The following SBF2 variants were observed in gnomAD, a reference collection of about 807,000 sequenced individuals.
The protein encoded by SBF2 is myotubularin-related protein 13.
Under a neutral mutation model 225.2 loss-of-function variants are expected in SBF2, and 112 were observed. The observed-to-expected ratio is 0.50, with a 90% confidence interval of 0.43 to 0.58. The LOEUF (loss-of-function observed/expected upper bound fraction) is 0.58, where lower values mean the gene tolerates loss of function less well. Ranked by LOEUF, SBF2 falls within the 20% of genes least tolerant of loss-of-function variation. The pLI is 0.00. For missense variants in SBF2, 1,996 were observed against 2,206.2 expected, an observed-to-expected ratio of 0.90 and a Z score of 1.91; for synonymous variants, 763 against 773.3, an observed-to-expected ratio of 0.99 and a Z score of 0.22.
intron 15 of SBF2, among the ~76,000 whole-genome samples, chr11:9,962,472 A>T (rs1866638112): frequency 6.6e-6 from 1 of 152,218 alleles, no homozygotes; most frequent in East Asian, 1.9e-4. Context: ...TTTCCATGGC[A>T]AGAACAGAAA....
At chr11:10,180,403 C>G (rs1017108922) in intron 2 of SBF2, among the ~76,000 whole-genome samples, 3 of 152,132 alleles carry the variant, frequency 2.0e-5, no homozygotes, top group African/African-American at 7.2e-5. Context: ...GCCACTCTCT[C>G]TGGCCTGTCA....
At chr11:10,224,335 A>G (rs1440822381) in intron 1 of SBF2, among the ~76,000 whole-genome samples, 1 of 152,114 alleles carries the variant, frequency 6.6e-6, no homozygotes, top group African/African-American at 2.4e-5. Context: ...TTGCTTTTAC[A>G]CTAGATCCAG....
At chr11:10,005,527 T>C (rs1266044985) in intron 6 of SBF2, among the ~76,000 whole-genome samples, 1 of 152,190 alleles carries the variant, frequency 6.6e-6, no homozygotes, top group Non-Finnish European at 1.5e-5. Flanking sequence ...CCTGCTCTAA[T>C]ACTTTAAAAT....
At chr11:10,295,806 T>C (rs1433054117), upstream of SBF2, among the ~76,000 whole-genome samples, 1 of 151,804 alleles carries the variant, frequency 6.6e-6, no homozygotes, top group Non-Finnish European at 1.5e-5. Context: ...TCCGGAACTA[T>C]CCAGAAAAAA....
At chr11:10,197,485 T>C (rs1474781244) in intron 1 of SBF2, among the ~76,000 whole-genome samples, 10 of 152,226 alleles carry the variant, frequency 6.6e-5, no homozygotes, top group Admixed American at 6.5e-4. Context: ...TGCTAAAAAA[T>C]GCTATCAATC....
chr11:9,853,556 A>G lies in SBF2; in HGVS notation c.2520T>C (p.Leu840=), dbSNP rs1203332756. 1 of 1,613,966 alleles carries G rather than the reference A, an allele frequency of 6.2e-7. No individual in the cohort carries two copies. Among genetic ancestry groups the G allele is most frequent in the South Asian group, 1.1e-5 (1 of 91,076 alleles). Residue 840 remains leucine, a synonymous_variant, in exon 20 of 40, where the codon CTT becomes CTC. Coordinates refer to ENST00000256190, the MANE Select transcript of SBF2 (RefSeq NM_030962.4). ...AGTGATTACCTGGTATCATGCAATG[A>G]AGGCTCTTGATGTGATCCTGAGTAA... ...SGVTQDHIKS[L]HCMIPGIVAM...
intron 1 of SBF2, among the ~76,000 whole-genome samples, chr11:10,194,869 T>C (rs1374727370): frequency 7.2e-6 from 1 of 139,774 alleles, no homozygotes; most frequent in Non-Finnish European, 1.6e-5. Context: ...GCCAGAGGCA[T>C]TGAAATCTAG....
At chr11:10,069,436 T>C (rs1320216264) in intron 2 of SBF2, among the ~76,000 whole-genome samples, 1 of 152,016 alleles carries the variant, frequency 6.6e-6, no homozygotes, top group East Asian at 1.9e-4. Flanking sequence ...TGTTACAGTT[T>C]GCTAAGAACG....
intron 1 of SBF2, among the ~76,000 whole-genome samples, chr11:10,234,445 CCATAT>C (rs1474630580): frequency 1.3e-5 from 2 of 152,028 alleles, no homozygotes; most frequent in Non-Finnish European, 2.9e-5. Flanking sequence ...TGTTTTATAA[CCATAT>C]CAATTTTTTT....
intron 2 of SBF2, among the ~76,000 whole-genome samples, chr11:10,137,850 T>C (rs1954456396): frequency 2.0e-5 from 3 of 151,862 alleles, no homozygotes; most frequent in Non-Finnish European, 4.4e-5. Context: ...CTACTAAAAA[T>C]ATAAAAATTA....
chr11:10,191,367 T>C (rs1284550928), intron 2 of SBF2, among the ~76,000 whole-genome samples: 2 of 152,158 alleles, frequency 1.3e-5, no homozygotes, highest in Non-Finnish European at 2.9e-5. Context: ...TCTCTAAAGA[T>C]ATGCAAAAAT....
At chr11:9,919,561 C>T (rs4910080) in intron 16 of SBF2, among the ~76,000 whole-genome samples, 29,988 of 151,776 alleles carry the variant, frequency 0.2, 3,811 homozygotes, top group Non-Finnish European at 0.29. Flanking sequence ...CTGCATGCAC[C>T]GGTAATTAGG....
intron 17 of SBF2, among the ~76,000 whole-genome samples, chr11:9,873,614 G>C (rs1858969156): frequency 1.3e-5 from 2 of 152,190 alleles, no homozygotes; most frequent in African/African-American, 4.8e-5. Context: ...GAGGAACAGT[G>C]AGCAGTTTTA....
intron 6 of SBF2, among the ~76,000 whole-genome samples, chr11:10,009,475 G>A (rs1948348057): frequency 6.7e-6 from 1 of 149,526 alleles, no homozygotes; most frequent in Admixed American, 6.7e-5. Flanking sequence ...TGTTCTCATT[G>A]TTCAACTCCC....
chr11:9,984,650 G>A (rs1042993094), intron 13 of SBF2, among the ~76,000 whole-genome samples: 2 of 152,110 alleles, frequency 1.3e-5, no homozygotes, highest in African/African-American at 4.8e-5. Flanking sequence ...AAGTTAAGAC[G>A]AAGGAAAGAA....
chr11:10,126,452 G>A (rs929835857), intron 2 of SBF2, among the ~76,000 whole-genome samples: 1 of 152,116 alleles, frequency 6.6e-6, no homozygotes, highest in Non-Finnish European at 1.5e-5. Flanking sequence ...AAGAAGGAAA[G>A]AGGAAGGCAA....
intron 38 of SBF2, chr11:9,783,133 T>G (rs1255202764): frequency 6.6e-6 from 1 of 152,232 alleles, no homozygotes; most frequent in Non-Finnish European, 1.5e-5. Flanking sequence ...TGTAATTTGA[T>G]GTAAATTATA....
At chr11:9,861,479 T>C (rs527439720) in intron 17 of SBF2, among the ~76,000 whole-genome samples, 8 of 151,916 alleles carry the variant, frequency 5.3e-5, no homozygotes, top group African/African-American at 1.9e-4. Flanking sequence ...GCCTGGCCAA[T>C]ATGGTGAAAC....
chr11:9,858,247 A>G lies in SBF2; in HGVS notation c.2079T>C (p.His693=). The G allele has an allele frequency of 6.2e-6, 10 of 1,614,190 alleles. No individual in the cohort carries two copies. Among genetic ancestry groups the G allele is most frequent in the Non-Finnish European group, 8.5e-6 (10 of 1,180,012 alleles). The change falls in exon 18 of 40, where the codon CAT becomes CAC. Residue 693 remains histidine (H), a synonymous_variant. Transcript: ENST00000256190. ...SLYLSAKEDN[H]APHLKQKDKL... ...TTACCTTTTGCTTCAGATGCGGGGC[A>G]TGATTGTCTTCCTTGGCTGAGAGAT...
Sources: allele counts gnomAD v4.1 joint callset (sites outside exome capture counted in the v4.1 genomes callset), GRCh38; gene constraint gnomAD v4.1.1; transcripts MANE v1.5; gene names NCBI Gene and HGNC (gene_info 2026-07-23, HGNC 2026-07-21).